The following HSP90B1 variants were observed in gnomAD, a reference collection of about 807,000 sequenced individuals.
The protein encoded by HSP90B1 is heat shock protein 90 beta family member 1.
In HSP90B1, 27 loss-of-function variants were observed where a neutral mutation model predicts 100.4. The observed-to-expected ratio is 0.27, with a 90% confidence interval of 0.20 to 0.37. The LOEUF is 0.37. Ranked by LOEUF, HSP90B1 falls within the 10% of genes least tolerant of loss-of-function variation. The probability of loss-of-function intolerance (pLI) is 1.00; values close to 1 mark genes in which losing one functional copy is unlikely to be tolerated. For missense variants in HSP90B1, 678 were observed against 960.5 expected, an observed-to-expected ratio of 0.71 and a Z score of 3.89; for synonymous variants, 304 against 330.8, an observed-to-expected ratio of 0.92 and a Z score of 0.88.
chr12:103,936,243 CAAGA>C (rs1239804321), intron 5 of HSP90B1, among the ~76,000 whole-genome samples: 1 of 152,036 alleles, frequency 6.6e-6, no homozygotes, highest in Non-Finnish European at 1.5e-5. Flanking sequence ...AAGAAAACAA[CAAGA>C]AAGAAAGAGC....
In HSP90B1 at chr12:103,946,689, G is replaced by T. The variant is rs773080167; in HGVS notation, c.2099G>T (p.Arg700Leu). ...CCGCTGATCAGAGACATGCTTCGAC[G>T]AATTAAGGTAGTATTAAAGCAGTCC... ...RHPLIRDMLRRIKEDEDDKTV... is the reference protein window; with the variant it reads ...RHPLIRDMLRLIKEDEDDKTV... The change falls in exon 15 of 18, where the codon CGA (arginine) becomes CTA (leucine). Residue 700 changes from arginine (R) to leucine (L), a missense_variant. Physicochemically the swap from Arg to Leu is moderately radical, Grantham distance 102. Around this residue, in one of 8 missense-constraint regions of HSP90B1, gnomAD observed 64 missense variants for 66.4 expected, o/e 0.96. Transcript: ENST00000299767. 6.2e-7 allele frequency: 1 copy of T among 1,613,740 alleles called. No individual in the cohort carries two copies. Among genetic ancestry groups the T allele is most frequent in the Non-Finnish European group, 8.5e-7 (1 of 1,179,768 alleles).
At chr12:103,940,761 T>G (rs141914189) in intron 8 of HSP90B1, among the ~76,000 whole-genome samples, 109 of 152,340 alleles carry the variant, frequency 7.2e-4, no homozygotes, top group African/African-American at 2.5e-3. Flanking sequence ...CCAAATAGTA[T>G]TATTTCAACA....
intron 8 of HSP90B1, 21 bp downstream of exon 8, chr12:103,939,646 A>G (rs747072388): frequency 1.8e-6 from 2 of 1,141,894 alleles, no homozygotes; most frequent in Admixed American, 4.7e-5. Context: ...ATAATTCCCT[A>G]GTTTCTGGTT....
Position 103,942,889 on chromosome 12 carries a change from GT to G in HSP90B1, c.1644+94del, listed in dbSNP as rs1870119235. ...AGGGGGAGAAAAGGAAAACTTAATT[GT>G]GTAACTGGAGTAGTTATAAGGCCTG... is the stretch of plus-strand genomic sequence containing the variant. On this transcript the variant is annotated intron_variant, in intron 12 of 17. Transcript: ENST00000299767. 16 of 1,489,608 alleles carry G rather than the reference GT, an allele frequency of 1.1e-5. No individual in the cohort carries two copies. The South Asian group carries it at 2.0e-4, about 19-fold the overall frequency. The allele number at this position is 1,489,608 out of a possible 1,614,324, so 92.3% of individuals were successfully genotyped here. A position where few individuals can be genotyped will look rare whatever the true frequency, so the allele number is the denominator to read the frequency against.
In HSP90B1 at chr12:103,930,531, G is replaced by C; in HGVS notation, c.16G>C (p.Val6Leu). 6.2e-7 allele frequency: 1 copy of C among 1,611,206 alleles called. No homozygotes were observed. The highest frequency in any genetic ancestry group is 8.5e-7 in the Non-Finnish European group (1 of 1,178,852). ...GCCGCACGCCATGAGGGCCCTGTGG[G>C]TGCTGGGCCTCTGCTGCGTCCTGCT... MRALW[V>L]LGLCCVLLTF... is the part of the protein sequence containing the mutation. The change falls in exon 1 of 18, where the codon GTG becomes CTG. Residue 6 changes from valine to leucine, a missense_variant. Transcript: ENST00000299767. The surrounding 1 kb of genome is among the most constrained non-coding windows in gnomAD (Gnocchi z 4.4).
chr12:103,938,214 T>C (rs1869971756), intron 6 of HSP90B1, 126 bp from the exon 7 acceptor site: 1 of 765,288 alleles, frequency 1.3e-6, no homozygotes, highest in African/African-American at 1.8e-5. Context: ...GTCTATTAGT[T>C]AAGGATACTC....
chr12:103,946,725 CTTTTA>C, intron 15 of HSP90B1, 29 bp downstream of exon 15: 2 of 1,612,522 alleles, frequency 1.2e-6, no homozygotes, highest in Non-Finnish European at 1.7e-6. Flanking sequence ...TCTTGCTTGT[CTTTTA>C]ATTTGAGTAC....
In HSP90B1 at chr12:103,947,620, T is replaced by G. The variant is rs1165695; in HGVS notation, c.2383-13T>G. 18 of 1,571,286 alleles carry G rather than the reference T, an allele frequency of 1.1e-5. No homozygotes were observed. Among genetic ancestry groups the G allele is most frequent in the Non-Finnish European group, 1.6e-5 (18 of 1,155,470 alleles). On this transcript the variant is annotated splice_polypyrimidine_tract_variant and intron_variant, in intron 17 of 17. Coordinates refer to ENST00000299767, the MANE Select transcript of HSP90B1 (RefSeq NM_003299.3). ...CTTTTAATACCTTCTGGGTTTTTTT[T>G]ATTTATTTACAGGAATCTACAGCTG... is the stretch of plus-strand genomic sequence containing the variant.
At chr12:103,940,755 A>G (rs1870053520) in intron 8 of HSP90B1, among the ~76,000 whole-genome samples, 1 of 152,222 alleles carries the variant, frequency 6.6e-6, no homozygotes, top group African/African-American at 2.4e-5. Flanking sequence ...CATACCCCAA[A>G]TAGTATTATT....
intron 1 of HSP90B1, among the ~76,000 whole-genome samples, chr12:103,931,106 A>G (rs114566138): frequency 1.1e-3 from 172 of 152,248 alleles, no homozygotes; most frequent in African/African-American, 4.1e-3. Flanking sequence ...GCTCAATTTC[A>G]GTTCCCCTCG....
intron 5 of HSP90B1, among the ~76,000 whole-genome samples, chr12:103,935,049 A>AG (rs1452013710): frequency 2.0e-5 from 3 of 152,170 alleles, no homozygotes; most frequent in Admixed American, 6.5e-5. Context: ...GGAGGATGTG[A>AG]GGAGTGGACA....
rs762756874 is a variant in HSP90B1, at chr12:103,932,918, T to C, written c.387T>C (p.Asn129=). ...CTGATGAAAATGCTCTTTCTGGAAA[T>C]GAGGAACTAACAGTCAAAATTAAGG... ...SLTDENALSG[N]EELTVKIKCD... Residue 129 remains asparagine (N), a synonymous_variant, in exon 4 of 18, where the codon AAT becomes AAC. Coordinates refer to ENST00000299767, the MANE Select transcript of HSP90B1 (RefSeq NM_003299.3). The C allele has an allele frequency of 3.2e-6, 5 of 1,573,686 alleles. No homozygotes were observed. The South Asian group carries it at 5.5e-5, about 17-fold the overall frequency.
Position 103,930,423 on chromosome 12 carries a change from C to T in HSP90B1, c.-93C>T. On this transcript the variant is annotated 5_prime_UTR_variant, in exon 1 of 18. Coordinates refer to ENST00000299767, the MANE Select transcript of HSP90B1 (RefSeq NM_003299.3). This position sits in a 1 kb window ranked among gnomAD's most constrained non-coding sequence, Gnocchi z 4.4. ...TGCTTGCGGTGTAGTGGGCGGACCG[C>T]GCGGCTGGAGGTGTGAGGATCCGAA... The T allele has an allele frequency of 7.6e-6, 9 of 1,186,676 alleles. No individual in the cohort carries two copies. The highest frequency in any genetic ancestry group is 9.3e-6 in the Non-Finnish European group (8 of 857,234). The allele number at this position is 1,186,676 out of a possible 1,614,324, so 73.5% of individuals were successfully genotyped here.
At chr12:103,946,477 G>C (rs1870236117) in intron 14 of HSP90B1, 141 bp from the exon 15 acceptor site, 1 of 632,494 alleles carries the variant, frequency 1.6e-6, no homozygotes, top group Non-Finnish European at 2.8e-6. Context: ...GTTCAAACCT[G>C]TGGTGTTCAA....
chr12:103,931,433 T>C (rs2136211990), intron 1 of HSP90B1, 88 bp from the exon 2 acceptor site: 1 of 942,720 alleles, frequency 1.1e-6, no homozygotes, highest in Middle Eastern at 2.6e-4. Context: ...AGTTACCAAC[T>C]GAATTTTGCA....
intron 8 of HSP90B1, among the ~76,000 whole-genome samples, chr12:103,940,088 T>TA (rs898194777): frequency 2.0e-5 from 3 of 151,814 alleles, no homozygotes; most frequent in Admixed American, 6.6e-5. Context: ...GTGATTTTTT[T>TA]AAAAAAATTA....
At chr12:103,933,901 G>A (rs1010360937) in intron 4 of HSP90B1, 55 bp from the exon 5 acceptor site, 4 of 1,419,564 alleles carry the variant, frequency 2.8e-6, no homozygotes, top group Non-Finnish European at 3.9e-6. Flanking sequence ...CTCAATATTT[G>A]TTTGGCATAA....
intron 4 of HSP90B1, 82 bp from the exon 5 acceptor site, chr12:103,933,874 C>A: frequency 8.9e-7 from 1 of 1,119,288 alleles, no homozygotes; most frequent in Non-Finnish European, 1.3e-6. Context: ...TTGATGGGAC[C>A]CAAAGCTGGT....
At chr12:103,947,207 GT>G (rs768970647) in intron 16 of HSP90B1, 103 bp from the exon 17 acceptor site, 202 of 1,404,254 alleles carry the variant, frequency 1.4e-4, no homozygotes, top group Non-Finnish European at 1.3e-4. Context: ...TTAGTCTGTG[GT>G]TCTGAATAAA....
Sources: allele counts gnomAD v4.1 joint callset (sites outside exome capture counted in the v4.1 genomes callset), GRCh38; gene constraint gnomAD v4.1.1; regional missense constraint gnomAD v4.1.1; non-coding constraint Gnocchi (gnomAD v3.1); transcripts MANE v1.5; gene names NCBI Gene and HGNC (gene_info 2026-07-23, HGNC 2026-07-21).